MACROD2: variants seen among roughly 807,000 people sequenced by gnomAD.
The protein encoded by MACROD2 is ADP-ribose glycohydrolase MACROD2.
In MACROD2, 36 loss-of-function variants were observed where a neutral mutation model predicts 70.4. The ratio of observed to expected loss-of-function variants is 0.51; its 90% CI spans 0.39 to 0.68. MACROD2 has a LOEUF of 0.68. Among genes scored for constraint, MACROD2 ranks in the 30% least tolerant of loss-of-function variants. The pLI is 0.00. For missense variants in MACROD2, 496 were observed against 538.4 expected (o/e 0.92, Z 0.78); for synonymous variants, 172 against 178.8 (o/e 0.96, Z 0.30).
chr20:14,392,636 G>A lies in MACROD2; in HGVS notation c.272-100843G>A, dbSNP rs148608396. 7.5e-4 allele frequency among the ~76,000 whole-genome samples: 114 copies of A among 152,032 alleles called. 2 individuals are homozygous for A. In the East Asian group the frequency reaches 0.012, roughly 16 times the overall value. On this transcript the variant is annotated intron_variant, in intron 3 of 17. Transcript: ENST00000684519. ...TTCTAGTCATCAGAAATATTTTATG[G>A]TTTTGCCATGAGTTAAATATTAGTC... is the stretch of plus-strand genomic sequence containing the variant.
chr20:15,997,619 A>G (rs113655006), intron 15 of MACROD2, among the ~76,000 whole-genome samples: 121 of 152,274 alleles, frequency 7.9e-4, no homozygotes, highest in African/African-American at 2.8e-3. Context: ...TTTTAATAAG[A>G]CTATGTCATC....
intron 4 of MACROD2, among the ~76,000 whole-genome samples, chr20:14,519,633 C>T (rs2085142056): frequency 6.6e-6 from 1 of 152,084 alleles, no homozygotes; most frequent in Non-Finnish European, 1.5e-5. Flanking sequence ...TAAATTAGTT[C>T]AGCCACTGTG....
At position 14,517,198 on chromosome 20, in the gene MACROD2, A is replaced by G. The variant is rs1466723392; in HGVS notation, c.301+23690A>G. ...CAATCCCATTACTGGGTATATACCC[A>G]AAGGATTATAAATCATTCTGCTATA... On this transcript the variant is annotated intron_variant, in intron 4 of 17. Transcript: ENST00000684519. Among the ~76,000 whole-genome samples, 6 of 152,190 alleles carry G rather than the reference A, an allele frequency of 3.9e-5. No homozygotes were observed. The East Asian group carries it at 9.6e-4, about 24-fold the overall frequency.
intron 5 of MACROD2, among the ~76,000 whole-genome samples, chr20:14,923,749 T>C (rs1409754304): frequency 2.9e-5 from 4 of 136,982 alleles, no homozygotes; most frequent in Non-Finnish European, 6.2e-5. Context: ...CTCTTAATTA[T>C]AGGCCTTGTG....
intron 7 of MACROD2, among the ~76,000 whole-genome samples, chr20:15,460,950 G>C (rs2046799863): frequency 7.5e-6 from 1 of 133,318 alleles, no homozygotes; most frequent in Non-Finnish European, 1.6e-5. Context: ...ATTATAAATA[G>C]CTTCCCTTTA....
At chr20:14,155,211 T>C (rs2055084358) in intron 3 of MACROD2, among the ~76,000 whole-genome samples, 1 of 152,210 alleles carries the variant, frequency 6.6e-6, no homozygotes, top group Non-Finnish European at 1.5e-5. Flanking sequence ...ATTTGAAATA[T>C]ATATGAAACA....
chr20:14,050,564 A>G (rs2148648332), intron 2 of MACROD2, among the ~76,000 whole-genome samples: 1 of 152,304 alleles, frequency 6.6e-6, no homozygotes, highest in African/African-American at 2.4e-5. Context: ...CACTATTCAC[A>G]AATTTGGCCA....
At chr20:15,515,660 GA>G (rs1208501718) in intron 8 of MACROD2, among the ~76,000 whole-genome samples, 3 of 152,204 alleles carry the variant, frequency 2.0e-5, no homozygotes, top group African/African-American at 7.2e-5. Context: ...TGCATTGAAT[GA>G]ACGAATGTTT....
chr20:14,845,193 A>G (rs988874179), intron 5 of MACROD2, among the ~76,000 whole-genome samples: 6 of 152,128 alleles, frequency 3.9e-5, no homozygotes, highest in African/African-American at 1.4e-4. Context: ...AAATTACATA[A>G]TATCTAACCT....
chr20:16,017,562 T>G (rs761768164), intron 15 of MACROD2, among the ~76,000 whole-genome samples: 8 of 152,176 alleles, frequency 5.3e-5, no homozygotes, highest in Non-Finnish European at 8.8e-5. Flanking sequence ...GCCTTGTCAG[T>G]TTCCCTCCTT....
At chr20:15,897,835 T>A (rs541255408) in intron 10 of MACROD2, among the ~76,000 whole-genome samples, 28 of 152,338 alleles carry the variant, frequency 1.8e-4, no homozygotes, top group African/African-American at 6.5e-4. Flanking sequence ...GTTTATTGAT[T>A]CTGCAAACTT....
chr20:14,524,447 A>T (rs577092334), intron 4 of MACROD2, among the ~76,000 whole-genome samples: 15 of 152,340 alleles, frequency 9.8e-5, no homozygotes, highest in African/African-American at 3.4e-4. Flanking sequence ...CTTGAATAGC[A>T]GCTGACTGGA....
chr20:15,915,294 G>A (rs1173498336), intron 10 of MACROD2, among the ~76,000 whole-genome samples: 6 of 151,888 alleles, frequency 4.0e-5, no homozygotes, highest in Non-Finnish European at 7.4e-5. Context: ...CTATCGAGGG[G>A]CCCACCAAGA....
chr20:16,011,516 G>A (rs74179797), intron 15 of MACROD2, among the ~76,000 whole-genome samples: 14,187 of 152,216 alleles, frequency 0.093, 654 homozygotes, highest in East Asian at 0.13. Flanking sequence ...TGCTAAGATG[G>A]GATTTATTTG....
chr20:14,932,265 G>A (rs2074302873), intron 5 of MACROD2, among the ~76,000 whole-genome samples: 1 of 152,044 alleles, frequency 6.6e-6, no homozygotes, highest in South Asian at 2.1e-4. Context: ...TAGAGTCATT[G>A]TTCCAGTGAA....
intron 2 of MACROD2, 52 bp downstream of exon 2, chr20:14,002,456 AT>A: frequency 9.1e-7 from 1 of 1,098,856 alleles, no homozygotes; most frequent in Non-Finnish European, 1.4e-6. Context: ...TTTTAGGACA[AT>A]TGTTGACAGA....
At chr20:15,885,897 C>A in intron 10 of MACROD2, 86 bp downstream of exon 10, 3 of 1,307,624 alleles carry the variant, frequency 2.3e-6, no homozygotes, top group East Asian at 3.0e-5. Context: ...CAACGAAAGA[C>A]AAAATAAGAT....
chr20:14,347,877 G>C (rs1312770811), intron 3 of MACROD2, among the ~76,000 whole-genome samples: 2 of 152,136 alleles, frequency 1.3e-5, no homozygotes, highest in African/African-American at 4.8e-5. Context: ...GCTTTCAGGG[G>C]TTTCTGGTGT....
chr20:14,045,608 A>T (rs1490641235), intron 2 of MACROD2, among the ~76,000 whole-genome samples: 1 of 152,224 alleles, frequency 6.6e-6, no homozygotes. Flanking sequence ...GTCTAAATGA[A>T]GTGCTTTCAT....
Sources: gnomAD v4.1 joint callset for allele counts (sites outside exome capture counted in the v4.1 genomes callset) on GRCh38, gnomAD v4.1.1 for gene constraint, MANE v1.5 for transcripts, NCBI Gene and HGNC (gene_info 2026-07-23, HGNC 2026-07-21) for gene names.